The following VAV3 variants were observed in gnomAD, a reference collection of about 807,000 sequenced individuals.
The protein encoded by VAV3 is vav guanine nucleotide exchange factor 3.
Under a neutral mutation model 131.2 loss-of-function variants are expected in VAV3, and 94 were observed. The observed-to-expected ratio is 0.72, with a 90% confidence interval of 0.61 to 0.85. The LOEUF (loss-of-function observed/expected upper bound fraction) is 0.85. VAV3 is among the 40% of genes least tolerant of loss of function. The pLI, the probability that VAV3 is intolerant of heterozygous loss-of-function variation, is 0.00. For synonymous variants in VAV3, 349 were observed against 342.0 expected (o/e 1.02, Z -0.22); for missense variants, 939 against 1,002.7 (o/e 0.94, Z 0.86).
At chr1:107,908,496 G>C (rs896380249) in intron 1 of VAV3, among the ~76,000 whole-genome samples, 1 of 152,064 alleles carries the variant, frequency 6.6e-6, no homozygotes, top group African/African-American at 2.4e-5. Flanking sequence ...ATGATCTCTA[G>C]TATGTGAGAT....
chr1:107,669,131 T>G, intron 19 of VAV3: 1 of 1,083,668 alleles, frequency 9.2e-7, no homozygotes, highest in Non-Finnish European at 1.1e-6. Flanking sequence ...GACAGAAAAA[T>G]TCTTGGCTGC....
At chr1:107,753,527 C>CATATATATA (rs752202122) in intron 12 of VAV3, among the ~76,000 whole-genome samples, 1 of 94,738 alleles carries the variant, frequency 1.1e-5, no homozygotes, top group African/African-American at 4.1e-5. Flanking sequence ...TATATATATA[C>CATATATATA]GTATATATAT....
At chr1:107,755,325 C>A (rs1171567857) in intron 12 of VAV3, 102 bp downstream of exon 12, 1 of 891,140 alleles carries the variant, frequency 1.1e-6, no homozygotes, top group East Asian at 2.7e-5. Flanking sequence ...CAACCTCCAA[C>A]AGTAGAAACT....
At chr1:107,915,113 T>A (rs985163447) in intron 1 of VAV3, among the ~76,000 whole-genome samples, 2 of 152,176 alleles carry the variant, frequency 1.3e-5, no homozygotes, top group African/African-American at 4.8e-5. Flanking sequence ...TTTTTCAGAC[T>A]ATGGAGAACC....
chr1:107,952,468 T>TTTATATATATATATACATATA (rs1553235441), intron 1 of VAV3, among the ~76,000 whole-genome samples: 7 of 118,998 alleles, frequency 5.9e-5, no homozygotes, highest in African/African-American at 2.1e-4. Flanking sequence ...TAACAAAACT[T>TTTATATATATATATACATATA]TATATATATA....
chr1:107,822,668 AT>A (rs58281123), intron 2 of VAV3, among the ~76,000 whole-genome samples: 1 of 114,188 alleles, frequency 8.8e-6, no homozygotes, highest in African/African-American at 3.6e-5. Context: ...AAATAAATAA[AT>A]AAATAAATAA....
At chr1:107,711,348 C>T (rs1046268231) in intron 15 of VAV3, among the ~76,000 whole-genome samples, 1 of 152,202 alleles carries the variant, frequency 6.6e-6, no homozygotes, top group Non-Finnish European at 1.5e-5. Context: ...GTCACACAGA[C>T]ACTCTCTGCC....
intron 19 of VAV3, among the ~76,000 whole-genome samples, chr1:107,677,300 A>T (rs1248719501): frequency 6.6e-6 from 1 of 152,172 alleles, no homozygotes; most frequent in Non-Finnish European, 1.5e-5. Flanking sequence ...CATTTGCATC[A>T]AATATTGTTA....
At chr1:107,952,606 C>T (rs1339616466) in intron 1 of VAV3, among the ~76,000 whole-genome samples, 2 of 151,498 alleles carry the variant, frequency 1.3e-5, no homozygotes, top group African/African-American at 4.9e-5. Flanking sequence ...GCAAAATTAA[C>T]TATGTATCCA....
intron 1 of VAV3, among the ~76,000 whole-genome samples, chr1:107,896,196 T>A (rs1671562709): frequency 6.6e-6 from 1 of 152,166 alleles, no homozygotes; most frequent in South Asian, 2.1e-4. Flanking sequence ...CAACCTGCAT[T>A]TGGCAGAACA....
intron 20 of VAV3, among the ~76,000 whole-genome samples, chr1:107,636,212 C>T: frequency 6.6e-6 from 1 of 152,130 alleles, no homozygotes; most frequent in South Asian, 2.1e-4. Context: ...CCACAATAAA[C>T]CATAAGATTC....
intron 2 of VAV3, among the ~76,000 whole-genome samples, chr1:107,802,555 G>T (rs1244874893): frequency 6.6e-6 from 1 of 152,056 alleles, no homozygotes; most frequent in Non-Finnish European, 1.5e-5. Context: ...ATCATAAAGT[G>T]ATGTTAAATT....
intron 1 of VAV3, among the ~76,000 whole-genome samples, chr1:107,894,507 G>A (rs951039472): frequency 6.6e-6 from 1 of 152,040 alleles, no homozygotes; most frequent in Non-Finnish European, 1.5e-5. Context: ...CATTAGACAA[G>A]AAATTTCATT....
rs548987332 is a variant in VAV3, at chr1:107,934,910, A to G, written c.204+29756T>C. The stretch of plus-strand genomic sequence containing the variant: ...CGTGCTACAAGAAACAAATTCTTGC[A>G]CGACCAGGCTATCTGCAGCTTTGAG... On this transcript the variant is annotated intron_variant, in intron 1 of 26. Transcript: ENST00000370056. Among the ~76,000 whole-genome samples the G allele has an allele frequency of 1.1e-3, 172 of 152,360 alleles. 1 individual carries two copies. The highest frequency in any genetic ancestry group is 3.9e-3 in the African/African-American group (163 of 41,596).
At chr1:107,826,175 C>CA (rs1211618395) in intron 2 of VAV3, among the ~76,000 whole-genome samples, 1 of 152,126 alleles carries the variant, frequency 6.6e-6, no homozygotes, top group African/African-American at 2.4e-5. Context: ...TACTGCCTTG[C>CA]AATGTTGTAA....
At chr1:107,688,625 ATGACTTCTAGG>A in intron 17 of VAV3, 4 of 1,254,350 alleles carry the variant, frequency 3.2e-6, no homozygotes, top group Non-Finnish European at 4.3e-6. Flanking sequence ...ACAGTTTTAA[ATGACTTCTAGG>A]TTATGCTTAA....
In VAV3 at chr1:107,860,533, T is replaced by C. The variant is rs1669690627; in HGVS notation, c.321+14368A>G. On this transcript the variant is annotated intron_variant, in intron 2 of 26. Coordinates refer to ENST00000370056, the MANE Select transcript of VAV3 (RefSeq NM_006113.5). ...ACTTGACTTCAGGGCTGCTGAGAGA[T>C]CACTGTAATCCTCAAACCACTTGGT... 2.6e-5 allele frequency among the ~76,000 whole-genome samples: 4 copies of C among 151,676 alleles called. No individual in the cohort carries two copies. In the South Asian group the frequency reaches 8.4e-4, roughly 32 times the overall value.
chr1:107,598,139 A>ATC (rs1651536954), intron 24 of VAV3, among the ~76,000 whole-genome samples: 1 of 152,180 alleles, frequency 6.6e-6, no homozygotes, highest in African/African-American at 2.4e-5. Context: ...GGATCACCTG[A>ATC]GGCCAGGAGT....
chr1:107,713,991 G>A (rs1430472973), intron 15 of VAV3, among the ~76,000 whole-genome samples: 4 of 152,066 alleles, frequency 2.6e-5, no homozygotes, highest in Middle Eastern at 3.2e-3. Context: ...AGCTCTAGAC[G>A]TATCAGGCCT....
Sources: allele counts gnomAD v4.1 joint callset (sites outside exome capture counted in the v4.1 genomes callset), GRCh38; gene constraint gnomAD v4.1.1; transcripts MANE v1.5; gene names NCBI Gene and HGNC (gene_info 2026-07-23, HGNC 2026-07-21).